NCAPH: variants seen among roughly 807,000 people sequenced by gnomAD.
NCAPH encodes the protein condensin complex subunit 2.
A neutral mutation model predicts 85.5 loss-of-function variants in NCAPH; 38 were observed. The ratio of observed to expected loss-of-function variants is 0.44; its 90% CI spans 0.34 to 0.58. The LOEUF (loss-of-function observed/expected upper bound fraction) is 0.58. Among genes scored for constraint, NCAPH ranks in the 20% least tolerant of loss-of-function variants. The pLI is 0.01. For missense variants in NCAPH, 789 were observed against 916.6 expected (o/e 0.86, Z 1.80); for synonymous variants, 301 against 335.1 (o/e 0.90, Z 1.11).
Position 96,353,354 on chromosome 2 carries a change from C to T in NCAPH, c.959C>T (p.Ala320Val), listed in dbSNP as rs372098005. The change falls in exon 8 of 18, where the codon GCC (alanine) becomes GTC (valine). Residue 320 changes from alanine to valine, a missense_variant. Coordinates refer to ENST00000240423, the MANE Select transcript of NCAPH (RefSeq NM_015341.5). ...AEDRQICPSLAGFQFTQWDSE... is the reference protein window; with the variant it reads ...AEDRQICPSLVGFQFTQWDSE... ...GATCGCCAGATCTGCCCTTCCCTGG[C>T]CGGGTTCCAGTTTACACAGTGGGAC... is the stretch of plus-strand genomic sequence containing the variant. 1.9e-6 allele frequency: 3 copies of T among 1,614,098 alleles called. No individual in the cohort carries two copies. Among genetic ancestry groups the T allele is most frequent in the African/African-American group, 2.7e-5 (2 of 74,942 alleles).
At chr2:96,356,215 C>G (rs972820159) in intron 9 of NCAPH, among the ~76,000 whole-genome samples, 3 of 152,208 alleles carry the variant, frequency 2.0e-5, no homozygotes, top group African/African-American at 7.2e-5. Context: ...GGCTGCAGTT[C>G]TAGTCTCAGA....
In NCAPH at chr2:96,365,983, T is replaced by C; in HGVS notation, c.1806T>C (p.Asn602=). The change falls in exon 14 of 18, where the codon AAT becomes AAC. Residue 602 remains asparagine, a synonymous_variant. Transcript: ENST00000240423. ...PCHPPKTAQQ[N]GDTPEAQGLD... is the part of the protein sequence containing the mutation. ...ATCCACCTAAGACAGCACAACAGAA[T>C]GGTGACACTCCAGAAGCCCAAGGAT... 1 of 1,614,178 alleles carries C rather than the reference T, an allele frequency of 6.2e-7. No individual in the cohort carries two copies. Among genetic ancestry groups the C allele is most frequent in the Non-Finnish European group, 8.5e-7 (1 of 1,180,034 alleles).
At chr2:96,369,627 T>G in intron 17 of NCAPH, 127 bp downstream of exon 17, 2 of 944,642 alleles carry the variant, frequency 2.1e-6, no homozygotes, top group South Asian at 2.9e-5. Context: ...ATGTAGCACC[T>G]TCAACCCAAA....
chr2:96,342,555 T>G (rs2064310514), intron 3 of NCAPH, among the ~76,000 whole-genome samples: 1 of 152,198 alleles, frequency 6.6e-6, no homozygotes, highest in South Asian at 2.1e-4. Flanking sequence ...ATTCAGGAAT[T>G]TTGTGCCGTC....
At chr2:96,360,046 T>G (rs2064583322) in intron 10 of NCAPH, 97 bp from the exon 11 acceptor site, 1 of 729,040 alleles carries the variant, frequency 1.4e-6, no homozygotes, top group Admixed American at 2.5e-5. Flanking sequence ...CCTTGTGGTT[T>G]TGATAAGCCT....
chr2:96,356,021 C>T (rs775194613), intron 9 of NCAPH, among the ~76,000 whole-genome samples: 21 of 152,172 alleles, frequency 1.4e-4, no homozygotes, highest in Non-Finnish European at 2.5e-4. Context: ...AAAGCTATCA[C>T]TTTCCTTAAA....
chr2:96,360,740 C>T lies in NCAPH; in HGVS notation c.1587+30C>T, dbSNP rs115037822. On this transcript the variant is annotated intron_variant, in intron 12 of 17. Transcript: ENST00000240423. ...GCCTATTTCTTGGTTCCTTTAAGCA[C>T]ACAAGGTATCAAGTGGCTGATAGTA... The T allele has an allele frequency of 4.0e-4, 647 of 1,612,990 alleles. 2 individuals carry two copies. In the African/African-American group the frequency reaches 7.1e-3, roughly 18 times the overall value.
chr2:96,350,075 G>A (rs144157551), intron 6 of NCAPH, among the ~76,000 whole-genome samples: 90 of 152,340 alleles, frequency 5.9e-4, no homozygotes, highest in Middle Eastern at 6.8e-3. Context: ...TTTGGCTAGC[G>A]CCAAGGATTT....
rs770879353 is a variant in NCAPH at position 96,373,303 on chromosome 2, G to T, written c.2178G>T (p.Leu726=). 2.6e-5 allele frequency: 42 copies of T among 1,613,878 alleles called. 1 individual carries two copies. In the South Asian group the frequency reaches 4.5e-4, roughly 17 times the overall value. Residue 726 remains leucine (L), a synonymous_variant, in exon 18 of 18, where the codon CTG becomes CTT. Coordinates refer to ENST00000240423, the MANE Select transcript of NCAPH (RefSeq NM_015341.5). ...LHLANEKNLK[L]EGTEDLSDVL... ...TGGTCTTCCCTCAGAATCTAAAACT[G>T]GAAGGAACAGAGGACCTCTCTGATG...
chr2:96,373,189 A>C, intron 17 of NCAPH, 103 bp from the exon 18 acceptor site: 2 of 935,000 alleles, frequency 2.1e-6, no homozygotes, highest in Non-Finnish European at 3.3e-6. Context: ...ATCATGGGAC[A>C]AACTTTCTTC....
intron 9 of NCAPH, among the ~76,000 whole-genome samples, chr2:96,357,338 T>C (rs902885389): frequency 6.6e-6 from 1 of 152,114 alleles, no homozygotes; most frequent in African/African-American, 2.4e-5. Context: ...CCTTGAAAAA[T>C]GGATAGACTA....
rs777535139 is a variant in NCAPH, at chr2:96,364,598, G to T, written c.1698+7G>T. ...CTTTTGCCCTGGATTACAGGTAAAG[G>T]GGGGAAAGGGGCTCTGTCCTCTCTT... On this transcript the variant is annotated splice_region_variant and intron_variant, in intron 13 of 17. Transcript: ENST00000240423. 3.6e-5 allele frequency: 57 copies of T among 1,571,064 alleles called. No individual in the cohort carries two copies. The Admixed American group carries it at 4.7e-4, about 13-fold the overall frequency.
intron 7 of NCAPH, 110 bp downstream of exon 7, chr2:96,352,130 CAGA>C: frequency 8.7e-7 from 1 of 1,149,306 alleles, no homozygotes; most frequent in Non-Finnish European, 1.2e-6. Flanking sequence ...TTAAATTACC[CAGA>C]AGTTTCCTCT....
intron 6 of NCAPH, among the ~76,000 whole-genome samples, chr2:96,351,000 T>G (rs2064433539): frequency 6.6e-6 from 1 of 152,242 alleles, no homozygotes; most frequent in Non-Finnish European, 1.5e-5. Context: ...GGCCATGCCA[T>G]TCCTGCTCCT....
rs531875913 is a variant in NCAPH, at chr2:96,364,580, C to T, written c.1687C>T (p.Pro563Ser). 1 of 1,609,860 alleles carries T rather than the reference C, an allele frequency of 6.2e-7. No individual in the cohort carries two copies. Among genetic ancestry groups the T allele is most frequent in the East Asian group, 2.2e-5 (1 of 44,880 alleles). Reference protein sequence around the residue: ...NNPNDTSNFCPGLQAADSDDE... With the variant: ...NNPNDTSNFCSGLQAADSDDE... ...CCCTAACGACACCTCCAACTTTTGC[C>T]CTGGATTACAGGTAAAGGGGGGAAA... is the stretch of plus-strand genomic sequence containing the variant. Residue 563 changes from proline to serine, a missense_variant, in exon 13 of 18, where the codon CCT (proline) becomes TCT (serine). Transcript: ENST00000240423.
intron 4 of NCAPH, 49 bp downstream of exon 4, chr2:96,342,897 TTTC>T (rs1482700788): frequency 4.0e-6 from 6 of 1,488,092 alleles, no homozygotes; most frequent in Non-Finnish European, 5.6e-6. Context: ...ATGATGATGA[TTTC>T]TACTACTTGG....
At chr2:96,352,748 C>T (rs1330634384) in intron 7 of NCAPH, among the ~76,000 whole-genome samples, 1 of 152,164 alleles carries the variant, frequency 6.6e-6, no homozygotes, top group Non-Finnish European at 1.5e-5. Context: ...ATTAATACTT[C>T]CCCTCCAGGC....
chr2:96,360,509 C>T (rs2064590769), intron 11 of NCAPH, 79 bp from the exon 12 acceptor site: 1 of 1,541,730 alleles, frequency 6.5e-7, no homozygotes, highest in African/African-American at 1.4e-5. Context: ...CCAAACCCTT[C>T]CCAGACTGCT....
In NCAPH at chr2:96,369,518, G is replaced by A. The variant is rs758253951; in HGVS notation, c.2166+18G>A. 7 of 1,604,964 alleles carry A rather than the reference G, an allele frequency of 4.4e-6. No homozygotes were observed. The highest frequency in any genetic ancestry group is 1.7e-5 in the Admixed American group (1 of 59,998). On this transcript the variant is annotated intron_variant, in intron 17 of 17. Transcript: ENST00000240423. ...ATGAAAAGGTAGGTAATTAAGGTAA[G>A]CATGGGAGTATTAGAGTATTCCCTG...
Sources: gnomAD v4.1 joint callset for allele counts (sites outside exome capture counted in the v4.1 genomes callset) on GRCh38, gnomAD v4.1.1 for gene constraint, MANE v1.5 for transcripts, NCBI Gene and HGNC (gene_info 2026-07-23, HGNC 2026-07-21) for gene names.